Variants in DNMBP observed in about 807,000 individuals in gnomAD.
DNMBP encodes the protein dynamin-binding protein.
DNMBP carries 87 observed loss-of-function variants against 150.0 expected under a neutral mutation model. The ratio of observed to expected loss-of-function variants is 0.58; its 90% CI spans 0.49 to 0.69. The LOEUF (loss-of-function observed/expected upper bound fraction) is 0.69. Ranked by LOEUF, DNMBP falls within the 30% of genes least tolerant of loss-of-function variation. The probability of loss-of-function intolerance (pLI) is 0.00; values close to 1 mark genes in which losing one functional copy is unlikely to be tolerated. For synonymous variants in DNMBP, 711 were observed against 750.4 expected, an observed-to-expected ratio of 0.95 and a Z score of 0.86; for missense variants, 1,774 against 1,949.0, an observed-to-expected ratio of 0.91 and a Z score of 1.69.
chr10:99,965,376 A>C (rs1290963875), intron 3 of DNMBP, among the ~76,000 whole-genome samples: 1 of 152,150 alleles, frequency 6.6e-6, no homozygotes, highest in Non-Finnish European at 1.5e-5. Context: ...GACATCTATA[A>C]ATTACACATA....
intron 4 of DNMBP, among the ~76,000 whole-genome samples, chr10:99,915,668 T>C (rs2039958211): frequency 6.6e-6 from 1 of 152,128 alleles, no homozygotes; most frequent in Non-Finnish European, 1.5e-5. Flanking sequence ...TGATCTGTGA[T>C]AGCTCCACTG....
intron 4 of DNMBP, among the ~76,000 whole-genome samples, chr10:99,924,417 C>T (rs756445247): frequency 6.6e-6 from 1 of 152,030 alleles, no homozygotes; most frequent in South Asian, 2.1e-4. Flanking sequence ...CACTCCAGCC[C>T]GGGCGACAGA....
intron 1 of DNMBP, among the ~76,000 whole-genome samples, chr10:99,989,113 G>A (rs949008015): frequency 2.6e-5 from 4 of 152,186 alleles, no homozygotes; most frequent in Admixed American, 2.6e-4. Flanking sequence ...CTTACAAGAT[G>A]TGTAATTATA....
intron 4 of DNMBP, among the ~76,000 whole-genome samples, chr10:99,953,561 T>C (rs1212931763): frequency 1.3e-5 from 2 of 152,156 alleles, no homozygotes; most frequent in Admixed American, 1.3e-4. Context: ...TGGCCAGGCA[T>C]GGTATCCCAG....
intron 2 of DNMBP, among the ~76,000 whole-genome samples, chr10:99,971,386 T>C (rs1026184594): frequency 3.3e-5 from 5 of 152,144 alleles, no homozygotes; most frequent in African/African-American, 7.2e-5. Flanking sequence ...TATTTATTTA[T>C]TGAGATGGTG....
intron 4 of DNMBP, among the ~76,000 whole-genome samples, chr10:99,942,939 TAGAA>T (rs1188912376): frequency 6.6e-6 from 1 of 152,176 alleles, no homozygotes; most frequent in Non-Finnish European, 1.5e-5. Flanking sequence ...ACTGACAAAC[TAGAA>T]AGAAAGATTA....
Position 100,001,413 on chromosome 10 carries a change from GT to G in DNMBP, c.-11+8424del, listed in dbSNP as rs531398004. Among the ~76,000 whole-genome samples, 13 of 111,258 alleles carry G rather than the reference GT, an allele frequency of 1.2e-4. No individual in the cohort carries two copies. The South Asian group carries it at 1.6e-3, about 13-fold the overall frequency. The allele number at this position is 111,258 out of a possible 152,430, so 73.0% of individuals were successfully genotyped here. ...ATTGTGATGGGGTTTTGTTGTTGTT[GT>G]TTTTTTTTTTTTTTTGAGACAGGGT... On this transcript the variant is annotated intron_variant, in intron 1 of 16. Transcript: ENST00000324109.
At chr10:99,937,782 A>C (rs1227473684) in intron 4 of DNMBP, among the ~76,000 whole-genome samples, 1 of 152,350 alleles carries the variant, frequency 6.6e-6, no homozygotes, top group African/African-American at 2.4e-5. Context: ...TGAGTGACTC[A>C]GTCATTACAA....
Position 99,879,101 on chromosome 10 carries a change from A to AAAAAAAAAAAAAAAAAAAAAAAAAC in DNMBP, c.4548+709_4548+710insGTTTTTTTTTTTTTTTTTTTTTTTT, listed in dbSNP as rs1554857510. On this transcript the variant is annotated intron_variant, in intron 16 of 16. Transcript: ENST00000324109. ...CTCTGTCTCAAAAAAAAAAAAAAAA[A>AAAAAAAAAAAAAAAAAAAAAAAAAC]CCCAAAACGTTTGAGATACAAAGCC... is the stretch of plus-strand genomic sequence containing the variant. Among the ~76,000 whole-genome samples, 107 of 135,086 alleles carry AAAAAAAAAAAAAAAAAAAAAAAAAC rather than the reference A, an allele frequency of 7.9e-4. 8 individuals carry two copies. Among genetic ancestry groups the AAAAAAAAAAAAAAAAAAAAAAAAAC allele is most frequent in the African/African-American group, 1.5e-3 (49 of 31,692 alleles). The allele number at this position is 135,086 out of a possible 152,430, so 88.6% of individuals were successfully genotyped here. A position where few individuals can be genotyped will look rare whatever the true frequency, so the allele number is the denominator to read the frequency against.
chr10:99,920,557 C>T (rs1390418953), intron 4 of DNMBP, among the ~76,000 whole-genome samples: 1 of 152,086 alleles, frequency 6.6e-6, no homozygotes, highest in Non-Finnish European at 1.5e-5. Context: ...ATTCAGAAGG[C>T]CTCACCCTGC....
At chr10:99,986,594 C>CAAAAAAAAAAAAAAAAAAAAAAA (rs747726572) in intron 1 of DNMBP, among the ~76,000 whole-genome samples, 4 of 74,170 alleles carry the variant, frequency 5.4e-5, no homozygotes, top group Non-Finnish European at 8.2e-5. Context: ...GACTCCGTCT[C>CAAAAAAAAAAAAAAAAAAAAAAA]AAAAAAAAAA....
intron 1 of DNMBP, among the ~76,000 whole-genome samples, chr10:99,975,106 T>C: frequency 6.6e-6 from 1 of 152,188 alleles, no homozygotes; most frequent in East Asian, 1.9e-4. Flanking sequence ...ATGCCTGTAA[T>C]CCCAGCACTT....
Position 99,969,337 on chromosome 10 carries a change from G to GTCC in DNMBP, c.146-101_146-100insGGA, listed in dbSNP as rs1160547429. 33 of 1,256,826 alleles carry GTCC rather than the reference G, an allele frequency of 2.6e-5. 1 individual carries two copies. Among genetic ancestry groups the GTCC allele is most frequent in the Middle Eastern group, 1.9e-4 (1 of 5,174 alleles). The allele number at this position is 1,256,826 out of a possible 1,614,324, so 77.9% of individuals were successfully genotyped here. On this transcript the variant is annotated intron_variant, in intron 2 of 16. Transcript: ENST00000324109. ...TTTCTTCTGAGTCCATGTATAGACC[G>GTCC]TAACTTGAAAACTCAGGGAATACTC...
At chr10:100,000,288 C>T (rs893196184) in intron 1 of DNMBP, among the ~76,000 whole-genome samples, 2 of 152,086 alleles carry the variant, frequency 1.3e-5, no homozygotes, top group Non-Finnish European at 2.9e-5. Context: ...AAGCATAACT[C>T]GGCACATCCA....
rs572273919 is a variant in DNMBP, at chr10:99,894,592, G to GT, written c.3156+353dup. On this transcript the variant is annotated intron_variant, in intron 11 of 16. Transcript: ENST00000324109. ...TCACTGCTTGTTCTTTCTCGTTTACGTTTCCTGTTTACAGCTTCCTAGCTT... is the reference window on the plus strand; with the variant it reads ...TCACTGCTTGTTCTTTCTCGTTTACGTTTTCCTGTTTACAGCTTCCTAGCTT... 1.2e-4 allele frequency among the ~76,000 whole-genome samples: 19 copies of GT among 152,250 alleles called. No homozygotes were observed. The East Asian group carries it at 3.7e-3, about 29-fold the overall frequency.
At chr10:99,891,231 G>C (rs976884562) in intron 11 of DNMBP, among the ~76,000 whole-genome samples, 1 of 129,824 alleles carries the variant, frequency 7.7e-6, no homozygotes, top group Non-Finnish European at 1.5e-5. Flanking sequence ...CCTCTCATGC[G>C]GAGCCAAAGC....
intron 1 of DNMBP, among the ~76,000 whole-genome samples, chr10:99,986,184 C>T (rs2040826172): frequency 6.6e-6 from 1 of 152,050 alleles, no homozygotes; most frequent in Non-Finnish European, 1.5e-5. Context: ...AAAATCTTGA[C>T]CCACATTAAT....
At chr10:99,945,473 G>A (rs994554538) in intron 4 of DNMBP, among the ~76,000 whole-genome samples, 5 of 152,156 alleles carry the variant, frequency 3.3e-5, no homozygotes, top group East Asian at 1.9e-4. Context: ...TCATGGCCCC[G>A]TGTGTTGCCA....
intron 3 of DNMBP, among the ~76,000 whole-genome samples, chr10:99,959,104 GA>G (rs1426591726): frequency 6.6e-6 from 1 of 152,096 alleles, no homozygotes; most frequent in Non-Finnish European, 1.5e-5. Flanking sequence ...TTAGTAAGTT[GA>G]ACATTAAAAA....
Sources: gnomAD v4.1 joint callset for allele counts (sites outside exome capture counted in the v4.1 genomes callset) on GRCh38, gnomAD v4.1.1 for gene constraint, MANE v1.5 for transcripts, NCBI Gene and HGNC (gene_info 2026-07-23, HGNC 2026-07-21) for gene names.